PRKD1: variants seen among roughly 807,000 people sequenced by gnomAD.
PRKD1 encodes the protein serine/threonine-protein kinase D1.
In PRKD1, 63 loss-of-function variants were observed where a neutral mutation model predicts 95.9. The ratio of observed to expected loss-of-function variants is 0.66; its 90% CI spans 0.54 to 0.81. The LOEUF (loss-of-function observed/expected upper bound fraction) is 0.81, where lower values mean the gene tolerates loss of function less well. Among genes scored for constraint, PRKD1 ranks in the 30% least tolerant of loss-of-function variants. The probability of loss-of-function intolerance (pLI) is 0.00; values close to 1 mark genes in which losing one functional copy is unlikely to be tolerated. For synonymous variants in PRKD1, 425 were observed against 423.1 expected (o/e 1.00, Z -0.05); for missense variants, 1,048 against 1,165.3 (o/e 0.90, Z 1.47).
chr14:29,624,870 C>A lies in PRKD1; in HGVS notation c.1799-612G>T, dbSNP rs550366855. ...TAGGCCCTTTATGTATATTACACCTCATTTAACTACTATAACAAACTTTTC... is the reference window on the plus strand; with the variant it reads ...TAGGCCCTTTATGTATATTACACCTAATTTAACTACTATAACAAACTTTTC... On this transcript the variant is annotated intron_variant, in intron 12 of 17. Transcript: ENST00000331968. Among the ~76,000 whole-genome samples, 19 of 152,266 alleles carry A rather than the reference C, an allele frequency of 1.2e-4. 1 individual carries two copies. The highest frequency in any genetic ancestry group is 1.0e-3 in the Admixed American group (16 of 15,292).
intron 1 of PRKD1, among the ~76,000 whole-genome samples, chr14:29,799,388 T>A (rs1051004033): frequency 1.3e-5 from 2 of 152,244 alleles, no homozygotes; most frequent in African/African-American, 4.8e-5. Flanking sequence ...TTTGCACTGA[T>A]TTTATTAATC....
At chr14:29,592,039 T>A (rs2138989870) in intron 16 of PRKD1, among the ~76,000 whole-genome samples, 1 of 152,256 alleles carries the variant, frequency 6.6e-6, no homozygotes, top group East Asian at 1.9e-4. Context: ...AAAGCGAATA[T>A]TTAAAAATAG....
At chr14:29,732,245 C>T (rs1886476801) in intron 1 of PRKD1, among the ~76,000 whole-genome samples, 1 of 152,074 alleles carries the variant, frequency 6.6e-6, no homozygotes, top group South Asian at 2.1e-4. Flanking sequence ...TACTAGCTTA[C>T]CAATTTTTTT....
At chr14:29,673,033 G>C (rs557736366) in intron 2 of PRKD1, among the ~76,000 whole-genome samples, 1 of 152,178 alleles carries the variant, frequency 6.6e-6, no homozygotes, top group Non-Finnish European at 1.5e-5. Flanking sequence ...GTTAACACGT[G>C]AAGGATCCTT....
intron 1 of PRKD1, among the ~76,000 whole-genome samples, chr14:29,767,183 G>T (rs959463785): frequency 8.6e-5 from 13 of 151,954 alleles, no homozygotes; most frequent in Admixed American, 4.6e-4. Flanking sequence ...TGTCTGCTCC[G>T]CTTGAACAAT....
chr14:29,749,512 A>T (rs1193377554), intron 1 of PRKD1, among the ~76,000 whole-genome samples: 1 of 152,172 alleles, frequency 6.6e-6, no homozygotes, highest in Admixed American at 6.5e-5. Flanking sequence ...CAGCACAGTC[A>T]CCAGCACCAA....
At chr14:29,585,093 C>G (rs755881223) in intron 16 of PRKD1, among the ~76,000 whole-genome samples, 129 of 152,170 alleles carry the variant, frequency 8.5e-4, no homozygotes, top group Non-Finnish European at 1.4e-3. Context: ...TGCCTCACCA[C>G]CTGTCACAGT....
chr14:29,904,748 T>C (rs1318411932), intron 1 of PRKD1, among the ~76,000 whole-genome samples: 1 of 152,216 alleles, frequency 6.6e-6, no homozygotes, highest in Non-Finnish European at 1.5e-5. Context: ...GCTTAGCTCA[T>C]AATTCTTATC....
intron 2 of PRKD1, among the ~76,000 whole-genome samples, chr14:29,688,243 G>A (rs978625646): frequency 2.0e-5 from 3 of 152,078 alleles, no homozygotes; most frequent in African/African-American, 7.2e-5. Context: ...AGAACCTTGT[G>A]ATTACTTTGG....
intron 1 of PRKD1, among the ~76,000 whole-genome samples, chr14:29,916,684 C>A (rs1008417848): frequency 6.6e-6 from 1 of 152,158 alleles, no homozygotes; most frequent in African/African-American, 2.4e-5. Flanking sequence ...ACAGACCAAG[C>A]CTTCCAAGGA....
intron 2 of PRKD1, among the ~76,000 whole-genome samples, chr14:29,685,978 C>T (rs975790003): frequency 2.6e-5 from 4 of 152,096 alleles, no homozygotes; most frequent in African/African-American, 9.7e-5. Flanking sequence ...ATTTTAAAGT[C>T]TTCAAAAACG....
chr14:29,877,906 T>C (rs766406125), intron 1 of PRKD1, among the ~76,000 whole-genome samples: 10 of 152,186 alleles, frequency 6.6e-5, no homozygotes, highest in Non-Finnish European at 1.2e-4. Context: ...ACCTAAATGT[T>C]CATAAATGGC....
chr14:29,793,132 C>T (rs1240198748), intron 1 of PRKD1, among the ~76,000 whole-genome samples: 5 of 151,850 alleles, frequency 3.3e-5, no homozygotes, highest in African/African-American at 9.7e-5. Flanking sequence ...CATAAATATA[C>T]AAGGGTAACA....
chr14:29,763,779 T>G (rs1391669614), intron 1 of PRKD1, among the ~76,000 whole-genome samples: 1 of 152,120 alleles, frequency 6.6e-6, no homozygotes, highest in Non-Finnish European at 1.5e-5. Context: ...CTGCAATTCT[T>G]TCTGCTCTCT....
intron 4 of PRKD1, 59 bp from the exon 5 acceptor site, chr14:29,638,963 T>A: frequency 7.7e-7 from 1 of 1,300,230 alleles, no homozygotes; most frequent in Non-Finnish European, 1.1e-6. Flanking sequence ...ATTTATATAT[T>A]TATATATTTT....
At chr14:29,910,894 C>A (rs1417107948) in intron 1 of PRKD1, among the ~76,000 whole-genome samples, 2 of 151,962 alleles carry the variant, frequency 1.3e-5, no homozygotes, top group African/African-American at 4.8e-5. Flanking sequence ...AAGACAACTG[C>A]AAAATTATAT....
rs1175333843 is a variant in PRKD1 at position 29,599,781 on chromosome 14, T to C, written c.1942A>G (p.Met648Val). The stretch of plus-strand genomic sequence containing the variant: ...AACACTCTTTCAGGCGTCTCAAACA[T>C]ACACTCCAAATTTACAACACCAGGG... ...HHPGVVNLEC[M>V]FETPERVFVV... The change falls in exon 14 of 18, where the codon ATG becomes GTG. Residue 648 changes from methionine to valine, a missense_variant. Physicochemically the swap from Met to Val is conservative, Grantham distance 21. This residue lies in a region of PRKD1 where 739 missense variants were observed against 861.9 expected (regional missense o/e 0.86). Coordinates refer to ENST00000331968, the MANE Select transcript of PRKD1 (RefSeq NM_002742.3). The C allele has an allele frequency of 6.2e-7, 1 of 1,612,978 alleles. No individual in the cohort carries two copies. The highest frequency in any genetic ancestry group is 1.7e-5 in the Admixed American group (1 of 59,946).
chr14:29,881,690 C>T (rs1001642452), intron 1 of PRKD1, among the ~76,000 whole-genome samples: 2 of 152,092 alleles, frequency 1.3e-5, no homozygotes, highest in Non-Finnish European at 2.9e-5. Context: ...TCTCTTGATC[C>T]CATCCCATGG....
intron 12 of PRKD1, among the ~76,000 whole-genome samples, chr14:29,624,996 T>C (rs547809458): frequency 6.6e-6 from 1 of 152,248 alleles, no homozygotes; most frequent in East Asian, 1.9e-4. Flanking sequence ...AAATAATAAA[T>C]GAAAATGAAT....
Sources: gnomAD v4.1 joint callset for allele counts (sites outside exome capture counted in the v4.1 genomes callset) on GRCh38, gnomAD v4.1.1 for gene constraint, gnomAD v4.1.1 regional missense constraint, MANE v1.5 for transcripts, NCBI Gene and HGNC (gene_info 2026-07-23, HGNC 2026-07-21) for gene names.